The following LRP3 variants were observed in gnomAD, a reference collection of about 807,000 sequenced individuals.
LRP3 encodes low-density lipoprotein receptor-related protein 3.
LRP3 carries 49 observed loss-of-function variants against 58.5 expected under a neutral mutation model. The observed-to-expected ratio is 0.84, with a 90% CI of 0.67 to 1.06. The LOEUF is 1.06. LRP3 is among the 50% of genes least tolerant of loss of function. LRP3 has a pLI of 0.00. For missense variants in LRP3, 1,019 were observed against 1,134.2 expected (o/e 0.90, Z 1.46); for synonymous variants, 485 against 492.2 (o/e 0.99, Z 0.20).
In LRP3 at chr19:33,205,487, C is replaced by T. The variant is rs1246740821; in HGVS notation, c.717C>T (p.Asp239=). The part of the protein sequence containing the change: ...PVERRCDGLQ[D]CGDGSDEAGC... ...AGCGGCGCTGTGACGGCTTGCAGGA[C>T]TGCGGCGACGGCTCGGATGAGGCGG... Residue 239 remains aspartate (D), a synonymous_variant, in exon 5 of 7, where the codon GAC becomes GAT. Coordinates refer to ENST00000253193, the MANE Select transcript of LRP3 (RefSeq NM_002333.4). The T allele has an allele frequency of 2.5e-6, 4 of 1,582,500 alleles. No individual in the cohort carries two copies. The highest frequency in any genetic ancestry group is 3.4e-6 in the Non-Finnish European group (4 of 1,167,276).
In LRP3 at chr19:33,202,960, C is replaced by A. The variant is rs36029918; in HGVS notation, c.234C>A (p.Gly78=). 1 of 1,613,068 alleles carries A rather than the reference C, an allele frequency of 6.2e-7. No individual in the cohort carries two copies. The highest frequency in any genetic ancestry group is 1.1e-5 in the South Asian group (1 of 90,954). Reference sequence around the variant, plus strand: ...CCAACTGCAGCTGGTACATCCAGGGCGACCGTGGTGACATGATTACCATCA... The same window carrying A: ...CCAACTGCAGCTGGTACATCCAGGGAGACCGTGGTGACATGATTACCATCA... ...PGTNCSWYIQ[G]DRGDMITISF... Residue 78 remains glycine, a synonymous_variant, in exon 3 of 7, where the codon GGC becomes GGA. Coordinates refer to ENST00000253193, the MANE Select transcript of LRP3 (RefSeq NM_002333.4).
intron 1 of LRP3, among the ~76,000 whole-genome samples, chr19:33,195,424 C>G (rs1290169113): frequency 6.6e-6 from 1 of 152,184 alleles, no homozygotes; most frequent in Non-Finnish European, 1.5e-5. Flanking sequence ...CGGTCAAGGC[C>G]AGGCATGGGG....
At chr19:33,203,069 T>G in intron 3 of LRP3, 83 bp downstream of exon 3, 1 of 1,499,228 alleles carries the variant, frequency 6.7e-7, no homozygotes, top group Non-Finnish European at 9.1e-7. Flanking sequence ...TGTGAGCAGG[T>G]GTGGAGGGCA....
intron 2 of LRP3, among the ~76,000 whole-genome samples, chr19:33,200,509 G>A (rs1271870461): frequency 1.3e-5 from 2 of 152,172 alleles, no homozygotes; most frequent in Non-Finnish European, 1.5e-5. Flanking sequence ...GAGACTGCAG[G>A]TGTGAGCCAC....
intron 3 of LRP3, among the ~76,000 whole-genome samples, chr19:33,203,232 A>ATG (rs201058074): frequency 1.3e-5 from 2 of 151,550 alleles, no homozygotes; most frequent in South Asian, 2.1e-4. Flanking sequence ...GTGCATGCAG[A>ATG]TGTGTGTGTG....
At chr19:33,195,850 A>G (rs1381206078) in intron 1 of LRP3, among the ~76,000 whole-genome samples, 1 of 152,192 alleles carries the variant, frequency 6.6e-6, no homozygotes, top group Non-Finnish European at 1.5e-5. Context: ...CCTGGTGAGC[A>G]GAGCAGGGGG....
chr19:33,205,408 C>T lies in LRP3; in HGVS notation c.638C>T (p.Pro213Leu). Reference protein sequence around the residue: ...PASEPPGSLCPGGTFPCSGAR... With the variant: ...PASEPPGSLCLGGTFPCSGAR... The stretch of plus-strand genomic sequence containing the variant: ...TCCGAGCCTCCAGGCAGCCTGTGCC[C>T]CGGGGGGACCTTCCCATGCAGCGGG... Residue 213 changes from proline (P) to leucine (L), a missense_variant, in exon 5 of 7, where the codon CCC becomes CTC. Coordinates refer to ENST00000253193, the MANE Select transcript of LRP3 (RefSeq NM_002333.4). 6.3e-7 allele frequency: 1 copy of T among 1,594,498 alleles called. No homozygotes were observed. Among genetic ancestry groups the T allele is most frequent in the Non-Finnish European group, 8.5e-7 (1 of 1,169,624 alleles).
At chr19:33,203,658 A>G (rs569687915) in intron 3 of LRP3, among the ~76,000 whole-genome samples, 1 of 152,286 alleles carries the variant, frequency 6.6e-6, no homozygotes, top group Admixed American at 6.5e-5. Context: ...GGGGGGTCTC[A>G]GTCACTCAGC....
Position 33,205,957 on chromosome 19 carries a change from A to G in LRP3, c.1187A>G (p.Gln396Arg), listed in dbSNP as rs1338528378. ...LGDQGCFSEP[Q>R]RCDGWWHCAS... ...GACCAGGGCTGCTTCTCAGAGCCAC[A>G]GCGCTGTGATGGCTGGTGGCATTGT... Residue 396 changes from glutamine to arginine, a missense_variant, in exon 5 of 7, where the codon CAG (glutamine) becomes CGG (arginine). Gln to Arg is a conservative substitution (Grantham distance 43). Around this residue, in one of 2 missense-constraint regions of LRP3, gnomAD observed 592 missense variants for 725.5 expected, o/e 0.82. Coordinates refer to ENST00000253193, the MANE Select transcript of LRP3 (RefSeq NM_002333.4). 2.4e-5 allele frequency: 38 copies of G among 1,585,442 alleles called. No individual in the cohort carries two copies. Among genetic ancestry groups the G allele is most frequent in the Non-Finnish European group, 3.3e-5 (38 of 1,165,248 alleles).
chr19:33,197,654 A>G (rs541542597), intron 2 of LRP3, among the ~76,000 whole-genome samples: 1 of 152,206 alleles, frequency 6.6e-6, no homozygotes, highest in Non-Finnish European at 1.5e-5. Flanking sequence ...CCTGAGGTCA[A>G]GGTGCAGCCC....
At chr19:33,200,952 C>T (rs1974335202) in intron 2 of LRP3, among the ~76,000 whole-genome samples, 1 of 152,174 alleles carries the variant, frequency 6.6e-6, no homozygotes, top group African/African-American at 2.4e-5. Flanking sequence ...GGGTTACTGG[C>T]TCCCTATTTG....
chr19:33,205,391 T>G lies in LRP3; in HGVS notation c.621T>G (p.Pro207=). 1 of 1,596,548 alleles carries G rather than the reference T, an allele frequency of 6.3e-7. No individual in the cohort carries two copies. Among genetic ancestry groups the G allele is most frequent in the Non-Finnish European group, 8.5e-7 (1 of 1,169,604 alleles). Residue 207 remains proline (P), a synonymous_variant, in exon 5 of 7, where the codon CCT becomes CCG. Coordinates refer to ENST00000253193, the MANE Select transcript of LRP3 (RefSeq NM_002333.4). ...EGNCSAPASE[P]PGSLCPGGTF... The stretch of plus-strand genomic sequence containing the variant: ...ACTGCTCGGCGCCCGCCTCCGAGCC[T>G]CCAGGCAGCCTGTGCCCCGGGGGGA...
intron 2 of LRP3, among the ~76,000 whole-genome samples, chr19:33,197,958 G>A (rs1974302832): frequency 6.6e-6 from 1 of 152,194 alleles, no homozygotes; most frequent in South Asian, 2.1e-4. Context: ...GCCGGGCCTT[G>A]CTCAGCGCTG....
rs1386337539 is a variant in LRP3, at chr19:33,194,336, C to T, written c.-450C>T. Among the ~76,000 whole-genome samples the T allele has an allele frequency of 3.4e-5, 5 of 145,962 alleles. No individual in the cohort carries two copies. Among genetic ancestry groups the T allele is most frequent in the Non-Finnish European group, 7.6e-5 (5 of 65,680 alleles). ...GGGGCCGGGCGGGAGGACTGACAGA[C>T]CCACGGACGCTCTACCGGCGGCACC... On this transcript the variant is annotated 5_prime_UTR_variant, in exon 1 of 7. Coordinates refer to ENST00000253193, the MANE Select transcript of LRP3 (RefSeq NM_002333.4).
intron 3 of LRP3, 118 bp downstream of exon 3, chr19:33,203,104 T>A: frequency 2.4e-6 from 3 of 1,259,706 alleles, no homozygotes; most frequent in Non-Finnish European, 3.3e-6. Flanking sequence ...TACATGTGTG[T>A]GAGCAGGTGT....
chr19:33,196,814 A>G (rs1974290573), intron 2 of LRP3, 37 bp downstream of exon 2: 1 of 1,606,532 alleles, frequency 6.2e-7, no homozygotes, highest in South Asian at 1.1e-5. Flanking sequence ...CCACTCCTTC[A>G]GTCCCTTTTG....
At position 33,207,112 on chromosome 19, in the gene LRP3, C is replaced by G; in HGVS notation, c.1850C>G (p.Ala617Gly). ...AACCGGCTCTTTCACCGGCCGCGGG[C>G]GCCCCGAGGCCAGATCCCACTGCTG... is the stretch of plus-strand genomic sequence containing the variant. ...LWNRLFHRPR[A>G]PRGQIPLLTA... Residue 617 changes from alanine (A) to glycine (G), a missense_variant, in exon 7 of 7, where the codon GCG (alanine) becomes GGG (glycine). Ala to Gly is a moderately conservative substitution (Grantham distance 60, BLOSUM62 0). Around this residue, in one of 2 missense-constraint regions of LRP3, gnomAD observed 427 missense variants for 408.6 expected, o/e 1.04. Coordinates refer to ENST00000253193, the MANE Select transcript of LRP3 (RefSeq NM_002333.4). The G allele has an allele frequency of 6.6e-7, 1 of 1,525,542 alleles. No individual in the cohort carries two copies. Among genetic ancestry groups the G allele is most frequent in the Middle Eastern group, 1.8e-4 (1 of 5,606 alleles). The allele number at this position is 1,525,542 out of a possible 1,614,324, so 94.5% of individuals were successfully genotyped here. A position where few individuals can be genotyped will look rare whatever the true frequency, so the allele number is the denominator to read the frequency against.
chr19:33,207,441 C>T lies in LRP3; in HGVS notation c.2179C>T (p.His727Tyr), dbSNP rs1480293430. ...PREPCSAQDP[H>Y]PQVSTASSTL... ...GGAGCCCTGCTCAGCCCAGGACCCG[C>T]ACCCCCAGGTCTCCACTGCCAGCAG... Residue 727 changes from histidine to tyrosine, a missense_variant, in exon 7 of 7, where the codon CAC (histidine) becomes TAC (tyrosine). Coordinates refer to ENST00000253193, the MANE Select transcript of LRP3 (RefSeq NM_002333.4). The T allele has an allele frequency of 6.3e-7, 1 of 1,597,290 alleles. No homozygotes were observed. The highest frequency in any genetic ancestry group is 1.1e-5 in the South Asian group (1 of 89,814).
rs1481999238 is a variant in LRP3 at position 33,208,853 on chromosome 19, T to C, written c.*1278T>C. 1.2e-6 allele frequency: 2 copies of C among 1,610,124 alleles called. No homozygotes were observed. The highest frequency in any genetic ancestry group is 1.3e-5 in the African/African-American group (1 of 74,746). The stretch of plus-strand genomic sequence containing the variant: ...CAAAACACCTCCTCAATAAACAACA[T>C]GTAAACAGAAACAACTGCTTCAGTC... On this transcript the variant is annotated 3_prime_UTR_variant, in exon 7 of 7. Transcript: ENST00000253193. The surrounding 1 kb of genome is among the most constrained non-coding windows in gnomAD (Gnocchi z 4.7).
Sources: allele counts gnomAD v4.1 joint callset (sites outside exome capture counted in the v4.1 genomes callset), GRCh38; gene constraint gnomAD v4.1.1; regional missense constraint gnomAD v4.1.1; non-coding constraint Gnocchi (gnomAD v3.1); transcripts MANE v1.5; gene names NCBI Gene and HGNC (gene_info 2026-07-23, HGNC 2026-07-21).